AKAP6: variants seen among roughly 807,000 people sequenced by gnomAD.
The protein encoded by AKAP6 is A-kinase anchor protein 6.
In AKAP6, 58 loss-of-function variants were observed where a neutral mutation model predicts 188.5. The ratio of observed to expected loss-of-function variants is 0.31; its 90% CI spans 0.25 to 0.38. AKAP6 has a LOEUF of 0.38. AKAP6 is among the 10% of genes least tolerant of loss of function. AKAP6 has a pLI of 1.00. For missense variants in AKAP6, 2,710 were observed against 2,740.0 expected, an observed-to-expected ratio of 0.99 and a Z score of 0.24; for synonymous variants, 989 against 998.6, an observed-to-expected ratio of 0.99 and a Z score of 0.18.
chr14:32,815,855 A>G (rs1258699294), intron 12 of AKAP6, among the ~76,000 whole-genome samples: 1 of 152,166 alleles, frequency 6.6e-6, no homozygotes, highest in Non-Finnish European at 1.5e-5. Flanking sequence ...GGCAGATACA[A>G]TGTACTGTAA....
chr14:32,748,493 C>G (rs1997901), intron 11 of AKAP6, among the ~76,000 whole-genome samples: 86,220 of 151,946 alleles, frequency 0.57, 26,598 homozygotes, highest in Admixed American at 0.7. Context: ...TGAAACTGTA[C>G]TTTCAAAAAA....
chr14:32,797,294 T>C (rs1449628746), intron 12 of AKAP6, among the ~76,000 whole-genome samples: 2 of 151,822 alleles, frequency 1.3e-5, no homozygotes, highest in African/African-American at 2.4e-5. Flanking sequence ...CCCAAAGGAA[T>C]ATAAAAGATA....
At chr14:32,458,643 G>T (rs1891221853) in intron 2 of AKAP6, among the ~76,000 whole-genome samples, 1 of 151,946 alleles carries the variant, frequency 6.6e-6, no homozygotes, top group African/African-American at 2.4e-5. Context: ...GACAATAAAA[G>T]CATGCCAGAA....
chr14:32,422,980 C>G (rs1167118745), intron 1 of AKAP6, among the ~76,000 whole-genome samples: 4 of 152,104 alleles, frequency 2.6e-5, no homozygotes, highest in Non-Finnish European at 5.9e-5. Context: ...TTGGTTAAGT[C>G]ATTTATCATT....
intron 1 of AKAP6, among the ~76,000 whole-genome samples, chr14:32,347,302 A>G (rs1157805096): frequency 6.6e-6 from 1 of 152,184 alleles, no homozygotes; most frequent in African/African-American, 2.4e-5. Flanking sequence ...TAGCTAACCC[A>G]TATGTCTTGA....
chr14:32,344,314 C>T (rs1375749412), intron 1 of AKAP6, among the ~76,000 whole-genome samples: 2 of 152,200 alleles, frequency 1.3e-5, no homozygotes, highest in Admixed American at 1.3e-4. Context: ...TAACACCAAT[C>T]CAACATGCAT....
chr14:32,381,923 T>G (rs75497751), intron 1 of AKAP6, among the ~76,000 whole-genome samples: 154 of 152,282 alleles, frequency 1.0e-3, no homozygotes, highest in Admixed American at 1.9e-3. Flanking sequence ...TACTACTCAC[T>G]GTATGATCTC....
intron 11 of AKAP6, among the ~76,000 whole-genome samples, chr14:32,758,256 A>G (rs778328115): frequency 6.6e-6 from 1 of 152,176 alleles, no homozygotes; most frequent in Non-Finnish European, 1.5e-5. Context: ...TAAATGACTC[A>G]CCCAGGATCA....
At chr14:32,820,695 A>G (rs2034496529) in intron 12 of AKAP6, among the ~76,000 whole-genome samples, 1 of 152,158 alleles carries the variant, frequency 6.6e-6, no homozygotes, top group South Asian at 2.1e-4. Context: ...GAGAACTTTG[A>G]CTAAGAAATT....
intron 5 of AKAP6, among the ~76,000 whole-genome samples, chr14:32,595,215 C>T (rs990173240): frequency 6.6e-6 from 1 of 152,180 alleles, no homozygotes; most frequent in East Asian, 1.9e-4. Flanking sequence ...CAGATTTGCA[C>T]CAGCCACTCT....
chr14:32,505,703 T>C (rs1880836973), intron 2 of AKAP6, among the ~76,000 whole-genome samples: 1 of 152,182 alleles, frequency 6.6e-6, no homozygotes, highest in South Asian at 2.1e-4. Context: ...ATGAGGTATA[T>C]ATAAATAGAG....
chr14:32,540,179 T>TAC (rs1882878258), intron 3 of AKAP6, among the ~76,000 whole-genome samples: 3 of 140,274 alleles, frequency 2.1e-5, no homozygotes, highest in African/African-American at 8.1e-5. Flanking sequence ...TATATATATA[T>TAC]ATATATATAT....
chr14:32,672,416 T>C (rs1889245717), intron 7 of AKAP6, among the ~76,000 whole-genome samples: 2 of 152,270 alleles, frequency 1.3e-5, no homozygotes, highest in African/African-American at 2.4e-5. Context: ...AAGTCCAAGA[T>C]TGAGGTGTCT....
intron 1 of AKAP6, among the ~76,000 whole-genome samples, chr14:32,335,446 G>T (rs1426981344): frequency 3.9e-5 from 6 of 152,046 alleles, no homozygotes; most frequent in African/African-American, 1.4e-4. Flanking sequence ...CTCCTACTCT[G>T]GAACAATTCA....
At chr14:32,520,093 A>C (rs1009972441) in intron 2 of AKAP6, among the ~76,000 whole-genome samples, 2 of 152,232 alleles carry the variant, frequency 1.3e-5, no homozygotes, top group Non-Finnish European at 2.9e-5. Context: ...CTCCTGAATG[A>C]CTACTGGGTA....
At position 32,729,515 on chromosome 14, in the gene AKAP6, T is replaced by A. The variant is rs1011555502; in HGVS notation, c.3001-2939T>A. Among the ~76,000 whole-genome samples the A allele has an allele frequency of 9.2e-5, 14 of 152,306 alleles. No individual in the cohort carries two copies. In the East Asian group the frequency reaches 2.7e-3, roughly 29 times the overall value. On this transcript the variant is annotated intron_variant, in intron 9 of 13. Transcript: ENST00000280979. ...GGTGGGCTAGAGTTTGTAGTTATTT[T>A]TAACTCCTTTTTTTAAAAGTTTTTC...
intron 5 of AKAP6, among the ~76,000 whole-genome samples, chr14:32,595,742 A>G (rs560705987): frequency 6.6e-6 from 1 of 152,166 alleles, no homozygotes; most frequent in East Asian, 1.9e-4. Flanking sequence ...CTTGAATCCC[A>G]TTGGGCAAGG....
intron 1 of AKAP6, among the ~76,000 whole-genome samples, chr14:32,396,517 T>C (rs1888884681): frequency 6.6e-6 from 1 of 152,162 alleles, no homozygotes; most frequent in Admixed American, 6.5e-5. Context: ...ATCAATCCCA[T>C]CCTTCCTGCC....
At chr14:32,407,798 A>T (rs1889345633) in intron 1 of AKAP6, among the ~76,000 whole-genome samples, 1 of 152,142 alleles carries the variant, frequency 6.6e-6, no homozygotes, top group South Asian at 2.1e-4. Context: ...ACCATACAAA[A>T]TCCCCACGGA....
Sources: allele counts gnomAD v4.1 joint callset (sites outside exome capture counted in the v4.1 genomes callset), GRCh38; gene constraint gnomAD v4.1.1; transcripts MANE v1.5; gene names NCBI Gene and HGNC (gene_info 2026-07-23, HGNC 2026-07-21).